SNAP29: variants seen among roughly 807,000 people sequenced by gnomAD.
The protein encoded by SNAP29 is synaptosome associated protein 29.
A neutral mutation model predicts 27.9 loss-of-function variants in SNAP29; 13 were observed. The observed-to-expected ratio is 0.47, with a 90% CI of 0.30 to 0.74. The LOEUF (loss-of-function observed/expected upper bound fraction) is 0.74, where lower values mean the gene tolerates loss of function less well. Ranked by LOEUF, SNAP29 falls within the 30% of genes least tolerant of loss-of-function variation. The probability of loss-of-function intolerance (pLI) is 0.06; values close to 1 mark genes in which losing one functional copy is unlikely to be tolerated. For synonymous variants in SNAP29, 119 were observed against 127.1 expected (o/e 0.94, Z 0.43); for missense variants, 368 against 336.5 (o/e 1.09, Z -0.73).
intron 1 of SNAP29, among the ~76,000 whole-genome samples, chr22:20,860,386 T>C (rs1465388407): frequency 8.2e-6 from 1 of 122,570 alleles, no homozygotes; most frequent in African/African-American, 3.4e-5. Flanking sequence ...TTTTTTTTTT[T>C]TGAGATGGAA....
intron 4 of SNAP29, among the ~76,000 whole-genome samples, chr22:20,885,687 C>T (rs1928997196): frequency 6.6e-6 from 1 of 152,206 alleles, no homozygotes; most frequent in Non-Finnish European, 1.5e-5. Context: ...TGAGGGTGCA[C>T]AGTTGGCACT....
intron 2 of SNAP29, among the ~76,000 whole-genome samples, chr22:20,874,610 C>A (rs1928696745): frequency 6.6e-6 from 1 of 151,370 alleles, no homozygotes; most frequent in Non-Finnish European, 1.5e-5. Flanking sequence ...CAGGAGGGAC[C>A]TGCAGAGTTG....
At position 20,881,151 on chromosome 22, in the gene SNAP29, G is replaced by GGA; in HGVS notation, c.520+17_520+18insGA. On this transcript the variant is annotated intron_variant, in intron 3 of 4. Transcript: ENST00000215730. ...ATGATACAGGTAAGTGGATACCTGT[G>GGA]TGCACAGCCACATTTGAATTCTGGG... 6.6e-7 allele frequency: 1 copy of GGA among 1,523,506 alleles called. No homozygotes were observed. The highest frequency in any genetic ancestry group is 9.1e-7 in the Non-Finnish European group (1 of 1,097,660). The allele number at this position is 1,523,506 out of a possible 1,614,324, so 94.4% of individuals were successfully genotyped here.
intron 2 of SNAP29, among the ~76,000 whole-genome samples, chr22:20,878,228 A>G (rs1006830767): frequency 1.3e-5 from 2 of 152,142 alleles, no homozygotes; most frequent in East Asian, 3.9e-4. Context: ...GCATTGCCAT[A>G]ATCCTTGTTA....
intron 4 of SNAP29, 83 bp downstream of exon 4, chr22:20,883,652 C>G: frequency 1.1e-6 from 1 of 878,948 alleles, no homozygotes; most frequent in Non-Finnish European, 1.9e-6. Flanking sequence ...CATGAGCATC[C>G]TCCAGCTTCA....
chr22:20,883,979 G>T (rs1402826995), intron 4 of SNAP29, among the ~76,000 whole-genome samples: 1 of 152,178 alleles, frequency 6.6e-6, no homozygotes, highest in Non-Finnish European at 1.5e-5. Context: ...AAGAGTTAGT[G>T]CTCGTGTTGC....
chr22:20,873,964 CAAAAAAAAAA>C (rs362036), intron 2 of SNAP29, among the ~76,000 whole-genome samples: 3 of 25,972 alleles, frequency 1.2e-4, no homozygotes, highest in Non-Finnish European at 1.9e-4. Flanking sequence ...GACTCTGTCT[CAAAAAAAAAA>C]AAAAAAAAAA....
chr22:20,873,211 G>C (rs866555950), intron 2 of SNAP29, among the ~76,000 whole-genome samples: 100 of 151,950 alleles, frequency 6.6e-4, no homozygotes, highest in Non-Finnish European at 1.2e-3. Context: ...AGGTCTTGCT[G>C]TGTTGGCCAG....
chr22:20,876,728 C>T (rs372002128), intron 2 of SNAP29, among the ~76,000 whole-genome samples: 304 of 152,156 alleles, frequency 2.0e-3, no homozygotes, highest in Non-Finnish European at 3.4e-3. Flanking sequence ...CCACCACGCC[C>T]GGCTAAATTT....
intron 2 of SNAP29, among the ~76,000 whole-genome samples, chr22:20,876,153 T>TC (rs1928739145): frequency 6.9e-6 from 1 of 145,578 alleles, no homozygotes; most frequent in Non-Finnish European, 1.5e-5. Context: ...AGAGACTCCA[T>TC]CTCAAAAAAA....
At chr22:20,870,690 G>A (rs934846919) in intron 2 of SNAP29, 157 bp downstream of exon 2, 2 of 735,178 alleles carry the variant, frequency 2.7e-6, no homozygotes, top group Non-Finnish European at 4.8e-6. Flanking sequence ...GTGAAACCAG[G>A]AACTGTTCTT....
chr22:20,878,678 C>T (rs748946697), intron 2 of SNAP29, among the ~76,000 whole-genome samples: 25 of 152,030 alleles, frequency 1.6e-4, no homozygotes, highest in African/African-American at 4.8e-4. Flanking sequence ...CTGGGAGTAG[C>T]GCTGTGCAGG....
chr22:20,872,905 C>T (rs140851333), intron 2 of SNAP29, among the ~76,000 whole-genome samples: 4,143 of 141,474 alleles, frequency 0.029, 183 homozygotes, highest in African/African-American at 0.1. Context: ...TCTCAGCTCA[C>T]TGAAACCTCT....
intron 1 of SNAP29, among the ~76,000 whole-genome samples, chr22:20,867,804 A>G (rs1466765257): frequency 3.7e-4 from 57 of 152,208 alleles, no homozygotes; most frequent in Admixed American, 3.7e-3. Context: ...AATAAGAGAA[A>G]ATAAGTCCAT....
intron 2 of SNAP29, among the ~76,000 whole-genome samples, chr22:20,874,766 C>T (rs982129452): frequency 4.6e-5 from 7 of 151,964 alleles, no homozygotes; most frequent in African/African-American, 1.5e-4. Context: ...CCATTTCCCT[C>T]CAGTTCTAGT....
rs114570695 is a variant in SNAP29 at position 20,881,348 on chromosome 22, C to G, written c.520+214C>G. On this transcript the variant is annotated intron_variant, in intron 3 of 4. Transcript: ENST00000215730. ...ATTATGGTGGGGCTCCTCCTTCTCT[C>G]CCTCCCTCCCTCCATGGAGAGGAGA... 6.4e-3 allele frequency among the ~76,000 whole-genome samples: 969 copies of G among 152,274 alleles called. 11 individuals are homozygous for G. Among genetic ancestry groups the G allele is most frequent in the African/African-American group, 0.023 (938 of 41,550 alleles).
At chr22:20,864,003 G>T (rs752652958) in intron 1 of SNAP29, among the ~76,000 whole-genome samples, 1 of 152,172 alleles carries the variant, frequency 6.6e-6, no homozygotes, top group Non-Finnish European at 1.5e-5. Context: ...TATGCAGCCT[G>T]TCCCCTAATG....
At chr22:20,880,980 G>A in intron 2 of SNAP29, 69 bp from the exon 3 acceptor site, 1 of 1,012,432 alleles carries the variant, frequency 9.9e-7, no homozygotes, top group South Asian at 1.3e-5. Flanking sequence ...TATGTGAAAA[G>A]ACTGATAACA....
intron 2 of SNAP29, among the ~76,000 whole-genome samples, chr22:20,874,359 AC>A (rs1928684352): frequency 3.5e-5 from 1 of 28,244 alleles, no homozygotes; most frequent in Admixed American, 4.2e-4. Context: ...CCACACACAC[AC>A]ACACACACAC....
Sources: gnomAD v4.1 joint callset for allele counts (sites outside exome capture counted in the v4.1 genomes callset) on GRCh38, gnomAD v4.1.1 for gene constraint, MANE v1.5 for transcripts, NCBI Gene and HGNC (gene_info 2026-07-23, HGNC 2026-07-21) for gene names.